The following CCSER1 variants were observed in gnomAD, a reference collection of about 807,000 sequenced individuals.
CCSER1 encodes the protein coiled-coil serine rich protein 1.
CCSER1 carries 41 observed loss-of-function variants against 82.0 expected under a neutral mutation model. That is an observed-to-expected ratio of 0.50 (90% confidence interval 0.39 to 0.65). CCSER1 has a LOEUF of 0.65. Among genes scored for constraint, CCSER1 ranks in the 30% least tolerant of loss-of-function variants. The pLI is 0.00. For missense variants in CCSER1, 1,119 were observed against 1,064.2 expected, an observed-to-expected ratio of 1.05 and a Z score of -0.72; for synonymous variants, 414 against 383.9, an observed-to-expected ratio of 1.08 and a Z score of -0.92.
chr4:91,145,013 G>C (rs1729410002), intron 10 of CCSER1, among the ~76,000 whole-genome samples: 1 of 151,996 alleles, frequency 6.6e-6, no homozygotes, highest in South Asian at 2.1e-4. Flanking sequence ...GTATTTCTTT[G>C]TTAGTTTTCT....
At chr4:90,391,363 C>T (rs1232335624) in intron 3 of CCSER1, among the ~76,000 whole-genome samples, 2 of 143,442 alleles carry the variant, frequency 1.4e-5, no homozygotes, top group Non-Finnish European at 3.0e-5. Context: ...ATGAATACCC[C>T]ATTTAGCCTG....
At chr4:90,319,091 G>C (rs371865965) in intron 3 of CCSER1, among the ~76,000 whole-genome samples, 35 of 152,280 alleles carry the variant, frequency 2.3e-4, no homozygotes, top group East Asian at 1.7e-3. Flanking sequence ...CAATGACACT[G>C]TTAAATATAT....
chr4:90,565,939 C>T (rs925072984), intron 5 of CCSER1, among the ~76,000 whole-genome samples: 4 of 151,302 alleles, frequency 2.6e-5, no homozygotes, highest in African/African-American at 7.3e-5. Flanking sequence ...TGGCTCACTG[C>T]AGCCTCTGCC....
chr4:90,485,873 T>C (rs576779808), intron 5 of CCSER1, among the ~76,000 whole-genome samples: 2 of 152,228 alleles, frequency 1.3e-5, no homozygotes, highest in Admixed American at 1.3e-4. Context: ...GCAAAAGACA[T>C]GATGTTTTTA....
chr4:91,378,358 G>A (rs889190161), intron 10 of CCSER1, among the ~76,000 whole-genome samples: 13 of 152,222 alleles, frequency 8.5e-5, no homozygotes, highest in East Asian at 3.9e-4. Flanking sequence ...CCATTTTCAC[G>A]ATATTGATTC....
chr4:90,298,340 T>G (rs1456008986), intron 1 of CCSER1, among the ~76,000 whole-genome samples: 2 of 152,098 alleles, frequency 1.3e-5, no homozygotes, highest in Non-Finnish European at 2.9e-5. Context: ...GGTGGTGATA[T>G]CCCCTTTATC....
chr4:91,458,939 G>A (rs1418367624), intron 10 of CCSER1, among the ~76,000 whole-genome samples: 1 of 151,956 alleles, frequency 6.6e-6, no homozygotes, highest in Non-Finnish European at 1.5e-5. Context: ...TATTTTTGAT[G>A]AATCCTTTAG....
At chr4:90,478,497 A>C (rs1046916951) in intron 5 of CCSER1, among the ~76,000 whole-genome samples, 7 of 152,178 alleles carry the variant, frequency 4.6e-5, no homozygotes, top group Non-Finnish European at 5.9e-5. Flanking sequence ...CTATTGTTTA[A>C]ATCTAGTCTT....
chr4:91,438,374 G>A (rs1416282020), intron 10 of CCSER1, among the ~76,000 whole-genome samples: 1 of 152,178 alleles, frequency 6.6e-6, no homozygotes, highest in Non-Finnish European at 1.5e-5. Context: ...GGCAAACAGG[G>A]TCTGGAGTGG....
At position 91,571,584 on chromosome 4, in the gene CCSER1, T is replaced by G. The variant is rs543540399; in HGVS notation, c.2218-26988T>G. ...CAGACACTTATAGAACCATAAGATC[T>G]TATGAGAACTCACTATCATGAGATC... is the stretch of plus-strand genomic sequence containing the variant. On this transcript the variant is annotated intron_variant, in intron 10 of 10. Transcript: ENST00000509176. Among the ~76,000 whole-genome samples, 6 of 152,310 alleles carry G rather than the reference T, an allele frequency of 3.9e-5. No individual in the cohort carries two copies. The South Asian group carries it at 8.3e-4, about 21-fold the overall frequency.
At chr4:90,617,170 C>A (rs751648167) in intron 5 of CCSER1, among the ~76,000 whole-genome samples, 2 of 151,942 alleles carry the variant, frequency 1.3e-5, no homozygotes, top group African/African-American at 2.4e-5. Context: ...TATAAAACAA[C>A]GTAGTACGAT....
chr4:91,300,648 G>A (rs1422068590), intron 10 of CCSER1, among the ~76,000 whole-genome samples: 2 of 151,668 alleles, frequency 1.3e-5, no homozygotes, highest in Non-Finnish European at 2.9e-5. Flanking sequence ...ACCAAGAAAG[G>A]TGATATTTTT....
At chr4:91,266,808 A>AT (rs1741630412) in intron 10 of CCSER1, among the ~76,000 whole-genome samples, 1 of 152,126 alleles carries the variant, frequency 6.6e-6, no homozygotes, top group Non-Finnish European at 1.5e-5. Context: ...GATTGAATAT[A>AT]TTTTATTATA....
intron 7 of CCSER1, among the ~76,000 whole-genome samples, chr4:90,764,334 T>C (rs1405016871): frequency 6.6e-6 from 1 of 152,198 alleles, no homozygotes; most frequent in African/African-American, 2.4e-5. Context: ...TGATAGAGTA[T>C]AAGTAGAACT....
chr4:90,469,968 T>C (rs372059186), intron 5 of CCSER1, among the ~76,000 whole-genome samples: 1 of 152,184 alleles, frequency 6.6e-6, no homozygotes, highest in Admixed American at 6.5e-5. Flanking sequence ...GAGCATTTTC[T>C]TTGATTGTCA....
chr4:90,239,392 GC>G (rs1746421259), intron 1 of CCSER1, among the ~76,000 whole-genome samples: 1 of 152,070 alleles, frequency 6.6e-6, no homozygotes, highest in African/African-American at 2.4e-5. Flanking sequence ...GTAAAAAATT[GC>G]CACTATGTAT....
chr4:91,044,869 C>T lies in CCSER1; in HGVS notation c.2173-41081C>T, dbSNP rs143513287. 2.2e-4 allele frequency among the ~76,000 whole-genome samples: 33 copies of T among 152,250 alleles called. 1 individual carries two copies. The highest frequency in any genetic ancestry group is 3.4e-3 in the Middle Eastern group (1 of 294). ...TTTCTTGCATATAATTCTCCCTGTCCGAAATGCTTGATATTTCTTTATTAA... is the reference window on the plus strand; with the variant it reads ...TTTCTTGCATATAATTCTCCCTGTCTGAAATGCTTGATATTTCTTTATTAA... On this transcript the variant is annotated intron_variant, in intron 9 of 10. Transcript: ENST00000509176.
At chr4:91,237,152 T>A (rs958511233) in intron 10 of CCSER1, among the ~76,000 whole-genome samples, 3 of 152,080 alleles carry the variant, frequency 2.0e-5, no homozygotes, top group African/African-American at 7.2e-5. Flanking sequence ...TGCAATAAAA[T>A]CAATGAATAT....
intron 1 of CCSER1, among the ~76,000 whole-genome samples, chr4:90,160,753 A>AT: frequency 6.6e-6 from 1 of 152,188 alleles, no homozygotes; most frequent in East Asian, 1.9e-4. Context: ...AAACAATAGA[A>AT]TGTAGACCTC....
Sources: allele counts gnomAD v4.1 joint callset (sites outside exome capture counted in the v4.1 genomes callset), GRCh38; gene constraint gnomAD v4.1.1; transcripts MANE v1.5; gene names NCBI Gene and HGNC (gene_info 2026-07-23, HGNC 2026-07-21).